The following PRAMEF15 variants were observed in gnomAD, a reference collection of about 807,000 sequenced individuals.
PRAMEF15 encodes PRAME family member 9/15.
In PRAMEF15, 21 loss-of-function variants were observed where a neutral mutation model predicts 35.3. The ratio of observed to expected loss-of-function variants is 0.59; its 90% confidence interval spans 0.42 to 0.86. The LOEUF (loss-of-function observed/expected upper bound fraction) is 0.86, where lower values mean the gene tolerates loss of function less well. Ranked by LOEUF, PRAMEF15 falls within the 40% of genes least tolerant of loss-of-function variation. PRAMEF15 has a pLI of 0.00. For missense variants in PRAMEF15, 360 were observed against 574.1 expected (o/e 0.63, Z 3.81); for synonymous variants, 122 against 223.3 (o/e 0.55, Z 4.05).
chr1:13,320,078 T>C, intron 3 of PRAMEF15, 125 bp downstream of exon 3: 1 of 1,573,050 alleles, frequency 6.4e-7, no homozygotes, highest in South Asian at 1.2e-5. Flanking sequence ...AGAATGTCCA[T>C]GCATTGTCCT....
At chr1:13,316,605 A>G (rs1214710110) in intron 1 of PRAMEF15, among the ~76,000 whole-genome samples, 1 of 151,962 alleles carries the variant, frequency 6.6e-6, no homozygotes, top group Non-Finnish European at 1.5e-5. Flanking sequence ...CAGTGAGCCA[A>G]GATGGTGCCA....
intron 1 of PRAMEF15, 53 bp from the exon 2 acceptor site, chr1:13,318,339 G>A: frequency 1.9e-6 from 3 of 1,567,886 alleles, no homozygotes; most frequent in Admixed American, 1.8e-5. Flanking sequence ...AGATGAGATT[G>A]CATGGGCTTG....
At chr1:13,321,533 A>C (rs1272511634) in intron 3 of PRAMEF15, among the ~76,000 whole-genome samples, 170 bp from the exon 4 acceptor site, 1 of 150,912 alleles carries the variant, frequency 6.6e-6, no homozygotes, top group Admixed American at 6.6e-5. Flanking sequence ...AATTGACCTC[A>C]GTGGCAAAGC....
rs1241067894 is a variant in PRAMEF15 at position 13,316,984 on chromosome 1, T to A, written c.-17+1326T>A. Reference sequence around the variant, plus strand: ...TCCCGAAATCTTTCATTTTGATGGATTAATATCTAATTCGATCAGTTATTC... The same window carrying A: ...TCCCGAAATCTTTCATTTTGATGGAATAATATCTAATTCGATCAGTTATTC... On this transcript the variant is annotated intron_variant, in intron 1 of 3. Coordinates refer to ENST00000376152, the MANE Select transcript of PRAMEF15 (RefSeq NM_001098376.3). 3.0e-3 allele frequency among the ~76,000 whole-genome samples: 453 copies of A among 149,292 alleles called. 2 individuals are homozygous for A. Among genetic ancestry groups the A allele is most frequent in the Non-Finnish European group, 4.7e-3 (320 of 67,716 alleles).
At chr1:13,316,854 A>G (rs1202458082) in intron 1 of PRAMEF15, among the ~76,000 whole-genome samples, 4 of 151,354 alleles carry the variant, frequency 2.6e-5, no homozygotes, top group African/African-American at 2.5e-5. Context: ...TCAGGAAGAG[A>G]TTCAACCCTT....
intron 1 of PRAMEF15, among the ~76,000 whole-genome samples, chr1:13,316,281 G>T (rs2100313067): frequency 6.6e-6 from 1 of 151,726 alleles, no homozygotes; most frequent in East Asian, 1.9e-4. Flanking sequence ...TGGGATTACA[G>T]CTGTGAGTCA....
At chr1:13,321,574 C>T in intron 3 of PRAMEF15, 129 bp from the exon 4 acceptor site, 2 of 1,405,778 alleles carry the variant, frequency 1.4e-6, no homozygotes, top group Non-Finnish European at 2.0e-6. Context: ...AAGTGTTGAC[C>T]ATCAGGCCAT....
intron 3 of PRAMEF15, among the ~76,000 whole-genome samples, chr1:13,320,670 CACCA>C (rs1640072472): frequency 6.6e-6 from 1 of 152,004 alleles, no homozygotes; most frequent in African/African-American, 2.4e-5. Flanking sequence ...GTGATCCACC[CACCA>C]TGGACTCCCA....
chr1:13,320,987 T>G (rs1273636359), intron 3 of PRAMEF15, among the ~76,000 whole-genome samples: 1 of 152,028 alleles, frequency 6.6e-6, no homozygotes, highest in African/African-American at 2.4e-5. Context: ...GATGGTTTGC[T>G]GATGATACAG....
At chr1:13,317,536 G>C (rs1281422255) in intron 1 of PRAMEF15, among the ~76,000 whole-genome samples, 104 of 152,124 alleles carry the variant, frequency 6.8e-4, no homozygotes, top group African/African-American at 2.0e-3. Context: ...GGGAGGCCAA[G>C]AGGGGTAGAT....
At chr1:13,320,399 A>G (rs1640068367) in intron 3 of PRAMEF15, among the ~76,000 whole-genome samples, 1 of 152,104 alleles carries the variant, frequency 6.6e-6, no homozygotes, top group Non-Finnish European at 1.5e-5. Context: ...GTCAGAAATG[A>G]ATAAATAAAA....
chr1:13,317,827 G>T (rs1316102660), intron 1 of PRAMEF15, among the ~76,000 whole-genome samples: 1 of 150,474 alleles, frequency 6.6e-6, no homozygotes, highest in African/African-American at 2.5e-5. Flanking sequence ...GAGAAGGGAG[G>T]CAGGGAAAGA....
At chr1:13,316,084 T>A (rs1322767101) in intron 1 of PRAMEF15, among the ~76,000 whole-genome samples, 1 of 151,010 alleles carries the variant, frequency 6.6e-6, no homozygotes, top group African/African-American at 2.4e-5. Context: ...CCTGCAACCT[T>A]TACTTCCCGG....
In PRAMEF15 at chr1:13,318,398, C is replaced by G; in HGVS notation, c.-10C>G. ...TGGGTTTGTCCTCTGGAAGTTTTCC[C>G]TGCAGATTCATGAAGATGAGCATCC... On this transcript the variant is annotated 5_prime_UTR_variant, in exon 2 of 4. Transcript: ENST00000376152. The G allele has an allele frequency of 6.2e-7, 1 of 1,611,980 alleles. No homozygotes were observed. The highest frequency in any genetic ancestry group is 8.5e-7 in the Non-Finnish European group (1 of 1,179,840).
rs1429159437 is a variant in PRAMEF15, at chr1:13,322,022, A to T, written c.1195A>T (p.Asn399Tyr). Residue 399 changes from asparagine (N) to tyrosine (Y), a missense_variant, in exon 4 of 4, where the codon AAC becomes TAC. By Grantham distance (143) the Asn-to-Tyr change is moderately radical. Around this residue, in one of 8 missense-constraint regions of PRAMEF15, gnomAD observed 147 missense variants for 123.5 expected, o/e 1.19. Transcript: ENST00000376152. Reference sequence around the variant, plus strand: ...TCCCATCTGCATGGCCACCCTGGAGAACCTGCTGAGCCACACAATCATACT... The same window carrying T: ...TCCCATCTGCATGGCCACCCTGGAGTACCTGCTGAGCCACACAATCATACT... The part of the protein sequence containing the change: ...GNPICMATLE[N>Y]LLSHTIILKN... 45 of 1,609,404 alleles carry T rather than the reference A, an allele frequency of 2.8e-5. No homozygotes were observed. Among genetic ancestry groups the T allele is most frequent in the Non-Finnish European group, 3.6e-5 (42 of 1,178,762 alleles).
intron 1 of PRAMEF15, among the ~76,000 whole-genome samples, chr1:13,317,790 GGAGA>G (rs1302918769): frequency 6.7e-6 from 1 of 148,172 alleles, no homozygotes; most frequent in Non-Finnish European, 1.5e-5. Flanking sequence ...AGTGAGAGAG[GGAGA>G]GAGAGAAAGA....
At chr1:13,318,264 G>C (rs1231821083) in intron 1 of PRAMEF15, 128 bp from the exon 2 acceptor site, 2 of 1,517,308 alleles carry the variant, frequency 1.3e-6, no homozygotes, top group African/African-American at 1.4e-5. Context: ...TGAGTACAGA[G>C]TAGAATTGGA....
At chr1:13,319,332 G>A in intron 2 of PRAMEF15, 40 bp from the exon 3 acceptor site, 1 of 1,605,694 alleles carries the variant, frequency 6.2e-7, no homozygotes, top group South Asian at 1.1e-5. Context: ...GTTCAGAAAT[G>A]AGTTCTTAAA....
At chr1:13,320,434 T>C (rs1221773927) in intron 3 of PRAMEF15, among the ~76,000 whole-genome samples, 13 of 152,016 alleles carry the variant, frequency 8.6e-5, no homozygotes, top group African/African-American at 1.5e-4. Flanking sequence ...GATAACTTTT[T>C]TTTTCTGAGA....
Sources: allele counts gnomAD v4.1 joint callset (sites outside exome capture counted in the v4.1 genomes callset), GRCh38; gene constraint gnomAD v4.1.1; regional missense constraint gnomAD v4.1.1; transcripts MANE v1.5; gene names NCBI Gene and HGNC (gene_info 2026-07-23, HGNC 2026-07-21).